The following LPCAT2 variants were observed in gnomAD, a reference collection of about 807,000 sequenced individuals.
The protein encoded by LPCAT2 is lysophosphatidylcholine acyltransferase 2, also known as 1-AGP acyltransferase 11.
A neutral mutation model predicts 64.7 loss-of-function variants in LPCAT2; 58 were observed. The ratio of observed to expected loss-of-function variants is 0.90; its 90% CI spans 0.73 to 1.12. LPCAT2 has a LOEUF of 1.12. Ranked by LOEUF, LPCAT2 falls within the 50% of genes most tolerant of loss-of-function variation. LPCAT2 has a pLI of 0.00. For synonymous variants in LPCAT2, 252 were observed against 245.3 expected (o/e 1.03, Z -0.26); for missense variants, 579 against 669.8 (o/e 0.86, Z 1.50).
chr16:55,516,809 A>T (rs1234042503), intron 1 of LPCAT2, among the ~76,000 whole-genome samples: 13 of 152,234 alleles, frequency 8.5e-5, no homozygotes, highest in Non-Finnish European at 1.5e-5. Context: ...TGTATGTAGA[A>T]CACTCAACAA....
At chr16:55,572,665 A>T (rs554856324) in intron 11 of LPCAT2, among the ~76,000 whole-genome samples, 80 of 152,318 alleles carry the variant, frequency 5.3e-4, no homozygotes, top group Non-Finnish European at 8.2e-4. Flanking sequence ...GTCAAAACAC[A>T]TCAAACTAAG....
In LPCAT2 at chr16:55,516,884, A is replaced by G. The variant is rs576899467; in HGVS notation, c.171+7532A>G. 1.1e-4 allele frequency among the ~76,000 whole-genome samples: 16 copies of G among 152,374 alleles called. No individual in the cohort carries two copies. The East Asian group carries it at 2.3e-3, about 22-fold the overall frequency. On this transcript the variant is annotated intron_variant, in intron 1 of 13. Coordinates refer to ENST00000262134, the MANE Select transcript of LPCAT2 (RefSeq NM_017839.5). ...GCCAAGGTAGGTCTGTATGTTAGAC[A>G]GTAAAACAATTCTCAATAAATATAA...
At chr16:55,524,308 A>G (rs573080173) in intron 1 of LPCAT2, among the ~76,000 whole-genome samples, 62 of 152,076 alleles carry the variant, frequency 4.1e-4, no homozygotes, top group Admixed American at 9.8e-4. Flanking sequence ...ATTAAGTGGA[A>G]GAATGCATGA....
intron 13 of LPCAT2, among the ~76,000 whole-genome samples, chr16:55,582,118 A>G (rs1330362250): frequency 6.6e-6 from 1 of 152,170 alleles, no homozygotes; most frequent in East Asian, 1.9e-4. Context: ...AGAAAGAACA[A>G]AAATACAGAA....
chr16:55,513,790 G>T (rs990151710), intron 1 of LPCAT2, among the ~76,000 whole-genome samples: 1 of 152,282 alleles, frequency 6.6e-6, no homozygotes. Context: ...CCAAGGAATT[G>T]TCATTACTGG....
intron 11 of LPCAT2, among the ~76,000 whole-genome samples, chr16:55,569,333 A>G (rs1963744332): frequency 6.6e-6 from 1 of 152,342 alleles, no homozygotes; most frequent in African/African-American, 2.4e-5. Flanking sequence ...TACTTAGACC[A>G]GGTGTGGTTA....
chr16:55,560,609 A>T (rs1963625317), intron 11 of LPCAT2, among the ~76,000 whole-genome samples: 1 of 152,110 alleles, frequency 6.6e-6, no homozygotes, highest in Non-Finnish European at 1.5e-5. Flanking sequence ...TTGCTGTCAC[A>T]AATCTAGATT....
Position 55,528,598 on chromosome 16 carries a change from A to G in LPCAT2, c.529+4A>G. The G allele has an allele frequency of 6.3e-7, 1 of 1,593,204 alleles. No individual in the cohort carries two copies. Among genetic ancestry groups the G allele is most frequent in the Non-Finnish European group, 8.6e-7 (1 of 1,161,158 alleles). On this transcript the variant is annotated splice_donor_region_variant and intron_variant, in intron 3 of 13. Transcript: ENST00000262134. ...GCACAAGTCCCTCTGATTGGCAGTA[A>G]GTACTTGTAAGGTAACGTAGATAAA...
chr16:55,547,919 C>A (rs1408459704), intron 9 of LPCAT2, among the ~76,000 whole-genome samples: 2 of 152,214 alleles, frequency 1.3e-5, no homozygotes, highest in East Asian at 1.9e-4. Context: ...AGGCGCCCAC[C>A]ATCATGCTCA....
intron 11 of LPCAT2, among the ~76,000 whole-genome samples, chr16:55,552,661 T>C (rs2142401145): frequency 6.6e-6 from 1 of 152,326 alleles, no homozygotes; most frequent in Admixed American, 6.5e-5. Context: ...GAAAAGTTTA[T>C]TTATAATATA....
intron 1 of LPCAT2, among the ~76,000 whole-genome samples, chr16:55,520,347 A>C (rs1332975121): frequency 1.3e-5 from 2 of 152,122 alleles, no homozygotes; most frequent in Non-Finnish European, 2.9e-5. Flanking sequence ...CTTAATGTTT[A>C]TGTACGTAAT....
intron 1 of LPCAT2, among the ~76,000 whole-genome samples, chr16:55,515,194 C>T (rs1386723257): frequency 6.6e-6 from 1 of 151,774 alleles, no homozygotes; most frequent in Non-Finnish European, 1.5e-5. Flanking sequence ...ACTAATCTGC[C>T]TTCCCAAGGA....
chr16:55,572,012 A>G (rs1412381476), intron 11 of LPCAT2, among the ~76,000 whole-genome samples: 9 of 152,194 alleles, frequency 5.9e-5, no homozygotes, highest in African/African-American at 2.2e-4. Context: ...ATCCAATAAT[A>G]TAATCTCTCA....
Position 55,534,463 on chromosome 16 carries a change from G to T in LPCAT2, c.783G>T (p.Trp261Cys). The T allele has an allele frequency of 6.5e-7, 1 of 1,527,908 alleles. No individual in the cohort carries two copies. The highest frequency in any genetic ancestry group is 8.9e-7 in the Non-Finnish European group (1 of 1,120,288). The allele number at this position is 1,527,908 out of a possible 1,614,324, so 94.6% of individuals were successfully genotyped here. The part of the protein sequence containing the change: ...PNKLDTVTWT[W>C]QGYTFIQLCM... ...TATAGGATACTGTGACCTGGACATG[G>T]CAAGGATATACATTGTAAGTCACTT... The change falls in exon 7 of 14, where the codon TGG becomes TGT. Residue 261 changes from tryptophan (W) to cysteine (C), a missense_variant. Transcript: ENST00000262134.
intron 1 of LPCAT2, among the ~76,000 whole-genome samples, chr16:55,517,950 T>C (rs1352655548): frequency 6.6e-6 from 1 of 152,226 alleles, no homozygotes; most frequent in Non-Finnish European, 1.5e-5. Context: ...CTGGAGGTTC[T>C]AGCAAGGGCG....
rs74483226 is a variant in LPCAT2, at chr16:55,552,730, A to G, written c.1215+1628A>G. Among the ~76,000 whole-genome samples the G allele has an allele frequency of 1.9e-3, 283 of 152,316 alleles. 5 individuals carry two copies. The East Asian group carries it at 0.026, about 14-fold the overall frequency. ...CTAAATAAACAATGTGTATACCTTA[A>G]TTTAGAAACCCTTCACTGCTAAAAA... On this transcript the variant is annotated intron_variant, in intron 11 of 13. Coordinates refer to ENST00000262134, the MANE Select transcript of LPCAT2 (RefSeq NM_017839.5).
rs906405845 is a variant in LPCAT2, at chr16:55,584,635, T to C, written c.*1537T>C. 13 of 152,164 alleles carry C rather than the reference T, an allele frequency of 8.5e-5. No homozygotes were observed. The highest frequency in any genetic ancestry group is 1.3e-4 in the Non-Finnish European group (9 of 68,020). The allele number at this position is 152,164 out of a possible 1,614,324, so 9.4% of individuals were successfully genotyped here. ...GCCGTGTTTCTGAATGTATTGGTGA[T>C]TCACCCCCAAGCTAATTTTTTAAAG... is the stretch of plus-strand genomic sequence containing the variant. On this transcript the variant is annotated 3_prime_UTR_variant, in exon 14 of 14. Coordinates refer to ENST00000262134, the MANE Select transcript of LPCAT2 (RefSeq NM_017839.5).
chr16:55,521,032 A>G (rs1296340959), intron 1 of LPCAT2, among the ~76,000 whole-genome samples: 2 of 151,868 alleles, frequency 1.3e-5, no homozygotes, highest in Admixed American at 1.3e-4. Context: ...AACAAACCAC[A>G]TAGAAAATTA....
chr16:55,544,884 A>G lies in LPCAT2; in HGVS notation c.853-851A>G, dbSNP rs191984571. Among the ~76,000 whole-genome samples, 317 of 152,264 alleles carry G rather than the reference A, an allele frequency of 2.1e-3. 1 individual carries two copies. Among genetic ancestry groups the G allele is most frequent in the Non-Finnish European group, 2.8e-3 (191 of 68,018 alleles). On this transcript the variant is annotated intron_variant, in intron 8 of 13. Coordinates refer to ENST00000262134, the MANE Select transcript of LPCAT2 (RefSeq NM_017839.5). ...GACTTGCATGCCTTTAGGTAAGTTA[A>G]TTAAGCTATTGAGCCCCATCTATAA...
Sources: allele counts gnomAD v4.1 joint callset (sites outside exome capture counted in the v4.1 genomes callset), GRCh38; gene constraint gnomAD v4.1.1; transcripts MANE v1.5; gene names NCBI Gene and HGNC (gene_info 2026-07-23, HGNC 2026-07-21).